SNX24: variants seen among roughly 807,000 people sequenced by gnomAD.
The protein encoded by SNX24 is sorting nexin 24.
A neutral mutation model predicts 28.7 loss-of-function variants in SNX24; 22 were observed. The ratio of observed to expected loss-of-function variants is 0.77; its 90% CI spans 0.55 to 1.10. The LOEUF (loss-of-function observed/expected upper bound fraction) is 1.10, where lower values mean the gene tolerates loss of function less well. SNX24 is among the 50% of genes least tolerant of loss of function. The probability of loss-of-function intolerance (pLI) is 0.00; values close to 1 mark genes in which losing one functional copy is unlikely to be tolerated. For missense variants in SNX24, 221 were observed against 201.1 expected (o/e 1.10, Z -0.60); for synonymous variants, 69 against 71.5 (o/e 0.96, Z 0.18).
chr5:123,013,021 A>C (rs1282207009), downstream of SNX24, among the ~76,000 whole-genome samples: 3 of 152,184 alleles, frequency 2.0e-5, no homozygotes, highest in East Asian at 5.8e-4. Context: ...ATTGACTTTC[A>C]TAACTCCTTC....
intron 1 of SNX24, among the ~76,000 whole-genome samples, chr5:122,861,383 A>C (rs1755455257): frequency 6.6e-6 from 1 of 152,154 alleles, no homozygotes; most frequent in South Asian, 2.1e-4. Flanking sequence ...CCTGCGAAGT[A>C]TTACTACTTA....
At chr5:123,005,006 C>T (rs937357372) in intron 6 of SNX24, among the ~76,000 whole-genome samples, 4 of 152,136 alleles carry the variant, frequency 2.6e-5, no homozygotes, top group Non-Finnish European at 5.9e-5. Flanking sequence ...GTAATGCTGG[C>T]AATAATGGAC....
At chr5:122,907,814 T>C (rs1284364000) in intron 1 of SNX24, among the ~76,000 whole-genome samples, 1 of 152,168 alleles carries the variant, frequency 6.6e-6, no homozygotes, top group Non-Finnish European at 1.5e-5. Flanking sequence ...TAAAAATCTA[T>C]TGAAACTTCT....
chr5:123,016,764 T>G (rs1762686638), intron 5 of SNX24, among the ~76,000 whole-genome samples: 1 of 152,144 alleles, frequency 6.6e-6, no homozygotes, highest in African/African-American at 2.4e-5. Flanking sequence ...GTTTCTGGCT[T>G]GAACAACTGG....
At chr5:122,910,256 G>A (rs1757822477) in intron 1 of SNX24, among the ~76,000 whole-genome samples, 1 of 152,104 alleles carries the variant, frequency 6.6e-6, no homozygotes, top group African/African-American at 2.4e-5. Context: ...AGCTCTCCAA[G>A]GCTAATCCCT....
intron 1 of SNX24, among the ~76,000 whole-genome samples, chr5:122,903,002 A>C (rs1757504498): frequency 6.6e-6 from 1 of 151,750 alleles, no homozygotes; most frequent in African/African-American, 2.4e-5. Flanking sequence ...TCTCATTTTC[A>C]CCCTGTATAC....
chr5:122,943,514 C>G (rs1425579287), intron 2 of SNX24, among the ~76,000 whole-genome samples: 1 of 152,208 alleles, frequency 6.6e-6, no homozygotes, highest in Admixed American at 6.5e-5. Flanking sequence ...CCCTGCTGTT[C>G]CATCTCACGT....
At chr5:122,879,563 C>T (rs935375815) in intron 1 of SNX24, among the ~76,000 whole-genome samples, 2 of 152,194 alleles carry the variant, frequency 1.3e-5, no homozygotes, top group East Asian at 1.9e-4. Flanking sequence ...GACTCAGTTT[C>T]CCTCTCTACC....
intron 1 of SNX24, among the ~76,000 whole-genome samples, chr5:122,920,719 A>G (rs1169104438): frequency 6.6e-6 from 1 of 152,234 alleles, no homozygotes; most frequent in Non-Finnish European, 1.5e-5. Context: ...AATAAGTGTC[A>G]AAGAGGGATC....
chr5:122,946,274 A>G, intron 3 of SNX24, 115 bp downstream of exon 3: 1 of 540,136 alleles, frequency 1.9e-6, no homozygotes, highest in Non-Finnish European at 3.2e-6. Flanking sequence ...AAGATTCTAA[A>G]TTAAAGGAAG....
chr5:122,850,331 G>A (rs1216721648), intron 1 of SNX24, among the ~76,000 whole-genome samples: 3 of 152,112 alleles, frequency 2.0e-5, no homozygotes, highest in Admixed American at 2.0e-4. Context: ...ATTTTATAAG[G>A]TTACTAATCC....
chr5:123,017,827 C>T (rs1240492732), intron 5 of SNX24, among the ~76,000 whole-genome samples: 1 of 152,104 alleles, frequency 6.6e-6, no homozygotes, highest in Non-Finnish European at 1.5e-5. Context: ...GATTGTGAGG[C>T]CTCCCCAGCC....
At chr5:123,020,238 G>A (rs565887918) in intron 5 of SNX24, among the ~76,000 whole-genome samples, 1 of 152,218 alleles carries the variant, frequency 6.6e-6, no homozygotes, top group East Asian at 1.9e-4. Flanking sequence ...TAAAATTAAA[G>A]AGAATTGTTT....
chr5:122,958,720 TA>T (rs750814182), intron 3 of SNX24, among the ~76,000 whole-genome samples: 1 of 60,264 alleles, frequency 1.7e-5, no homozygotes, highest in Admixed American at 1.8e-4. Flanking sequence ...TTTTAATTTT[TA>T]AATTTTTTTT....
At chr5:122,896,756 T>C (rs934296559) in intron 1 of SNX24, among the ~76,000 whole-genome samples, 5 of 152,234 alleles carry the variant, frequency 3.3e-5, no homozygotes, top group African/African-American at 1.2e-4. Flanking sequence ...CACAGCTTAT[T>C]TATAATAGGC....
intron 1 of SNX24, among the ~76,000 whole-genome samples, chr5:122,873,812 C>T (rs941106823): frequency 7.1e-6 from 1 of 141,706 alleles, no homozygotes; most frequent in African/African-American, 2.7e-5. Context: ...GTCACCCAGG[C>T]TGGAGTGCAA....
In SNX24 at chr5:123,002,019, C is replaced by G. The variant is rs755552730; in HGVS notation, c.442+15C>G. On this transcript the variant is annotated intron_variant, in intron 6 of 6. Transcript: ENST00000261369. ...TGCAGCCAGCGGTAATCAAACCTGT[C>G]ATCTGCTAACAGCTCTTTACTGATC... is the stretch of plus-strand genomic sequence containing the variant. The G allele has an allele frequency of 2.5e-6, 4 of 1,600,526 alleles. No homozygotes were observed. The highest frequency in any genetic ancestry group is 3.4e-6 in the Non-Finnish European group (4 of 1,167,888).
chr5:122,922,652 C>A (rs549193423), intron 1 of SNX24, among the ~76,000 whole-genome samples: 1 of 152,082 alleles, frequency 6.6e-6, no homozygotes, highest in Non-Finnish European at 1.5e-5. Context: ...CAGTTGCCAT[C>A]CTCTCAATGC....
chr5:122,935,499 T>C (rs980952538), intron 1 of SNX24, among the ~76,000 whole-genome samples: 3 of 152,146 alleles, frequency 2.0e-5, no homozygotes, highest in Non-Finnish European at 4.4e-5. Context: ...AAAAACAAAA[T>C]ATAAAATATT....
Sources: gnomAD v4.1 joint callset for allele counts (sites outside exome capture counted in the v4.1 genomes callset) on GRCh38, gnomAD v4.1.1 for gene constraint, MANE v1.5 for transcripts, NCBI Gene and HGNC (gene_info 2026-07-23, HGNC 2026-07-21) for gene names.